The following KCNMB4 variants were observed in gnomAD, a reference collection of about 807,000 sequenced individuals.
KCNMB4 encodes calcium-activated potassium channel subunit beta-4.
Under a neutral mutation model 20.7 loss-of-function variants are expected in KCNMB4, and 3 were observed. The ratio of observed to expected loss-of-function variants is 0.14; its 90% CI spans 0.07 to 0.37. KCNMB4 has a LOEUF of 0.37. KCNMB4 is among the 10% of genes least tolerant of loss of function. The pLI is 1.00. For missense variants in KCNMB4, 168 were observed against 265.9 expected, an observed-to-expected ratio of 0.63 and a Z score of 2.56; for synonymous variants, 110 against 113.4, an observed-to-expected ratio of 0.97 and a Z score of 0.19.
intron 1 of KCNMB4, among the ~76,000 whole-genome samples, chr12:70,391,928 TGGG>T (rs1868302988): frequency 6.6e-6 from 1 of 152,204 alleles, no homozygotes; most frequent in Non-Finnish European, 1.5e-5. Flanking sequence ...GTATGTGAAA[TGGG>T]ATGTATATTA....
At chr12:70,420,887 T>A (rs540089579) in intron 2 of KCNMB4, among the ~76,000 whole-genome samples, 1 of 151,822 alleles carries the variant, frequency 6.6e-6, no homozygotes, top group Non-Finnish European at 1.5e-5. Flanking sequence ...TGAAACCCCG[T>A]CTCTACTAAA....
At chr12:70,380,295 A>G (rs796906241) in intron 1 of KCNMB4, among the ~76,000 whole-genome samples, 24 of 152,310 alleles carry the variant, frequency 1.6e-4, no homozygotes, top group African/African-American at 5.5e-4. Context: ...TTGTCCTCAT[A>G]TGGGCATGGT....
intron 1 of KCNMB4, among the ~76,000 whole-genome samples, chr12:70,389,987 C>G (rs1448805007): frequency 1.3e-5 from 2 of 152,140 alleles, no homozygotes; most frequent in Admixed American, 6.6e-5. Flanking sequence ...TTACTTGAAA[C>G]AAGTTTACTA....
chr12:70,386,594 GTTGT>G (rs1868259586), intron 1 of KCNMB4, among the ~76,000 whole-genome samples: 1 of 145,504 alleles, frequency 6.9e-6, no homozygotes, highest in South Asian at 2.1e-4. Flanking sequence ...TTGTTTGTTT[GTTGT>G]TTTTTTTTTT....
Position 70,433,177 on chromosome 12 carries a change from A to G in KCNMB4, c.*2524A>G, listed in dbSNP as rs924355985. The G allele has an allele frequency of 8.5e-5, 13 of 152,174 alleles. No homozygotes were observed. Among genetic ancestry groups the G allele is most frequent in the Admixed American group, 8.5e-4 (13 of 15,276 alleles). 9.4% of individuals were successfully genotyped at this position (152,174 alleles called of 1,614,324 possible). On this transcript the variant is annotated 3_prime_UTR_variant, in exon 3 of 3. Coordinates refer to ENST00000258111, the MANE Select transcript of KCNMB4 (RefSeq NM_014505.6). ...CAAGCAGAGGACATTTTAAGGTCAT[A>G]AAAGGTAAATAAGCTTACCTTCTTA...
intron 1 of KCNMB4, among the ~76,000 whole-genome samples, chr12:70,374,654 T>C (rs1883655302): frequency 6.6e-6 from 1 of 152,208 alleles, no homozygotes; most frequent in Non-Finnish European, 1.5e-5. Flanking sequence ...CTAGGATACA[T>C]TTATTTTAAG....
intron 1 of KCNMB4, among the ~76,000 whole-genome samples, chr12:70,397,795 T>TAACCAAA (rs1357091436): frequency 2.6e-5 from 4 of 152,210 alleles, no homozygotes; most frequent in Non-Finnish European, 4.4e-5. Context: ...TGATTACATG[T>TAACCAAA]GGTTATGAAT....
Position 70,430,671 on chromosome 12 carries a change from A to T in KCNMB4, c.*18A>T, listed in dbSNP as rs748158214. ...TCTCTTAAAGGGGAAGGAGGCTTGTAGAAAGCAAAGTACAGAAGCTGTACT... is the reference window on the plus strand; with the variant it reads ...TCTCTTAAAGGGGAAGGAGGCTTGTTGAAAGCAAAGTACAGAAGCTGTACT... On this transcript the variant is annotated 3_prime_UTR_variant, in exon 3 of 3. Coordinates refer to ENST00000258111, the MANE Select transcript of KCNMB4 (RefSeq NM_014505.6). The T allele has an allele frequency of 6.3e-7, 1 of 1,595,790 alleles. No individual in the cohort carries two copies. Among genetic ancestry groups the T allele is most frequent in the African/African-American group, 1.4e-5 (1 of 73,742 alleles).
rs1869368046 is a variant in KCNMB4 at position 70,431,653 on chromosome 12, A to T, written c.*1000A>T. 1 of 152,098 alleles carries T rather than the reference A, an allele frequency of 6.6e-6. No homozygotes were observed. Among genetic ancestry groups the T allele is most frequent in the African/African-American group, 2.4e-5 (1 of 41,418 alleles). 9.4% of individuals were successfully genotyped at this position (152,098 alleles called of 1,614,324 possible). On this transcript the variant is annotated 3_prime_UTR_variant, in exon 3 of 3. Transcript: ENST00000258111. ...TTGCTTAGACAAACCTGGAGATGCAACCCAGCTCACATCATTGCTACTGAT... is the reference window on the plus strand; with the variant it reads ...TTGCTTAGACAAACCTGGAGATGCATCCCAGCTCACATCATTGCTACTGAT...
chr12:70,415,215 C>T (rs1868884539), intron 2 of KCNMB4, among the ~76,000 whole-genome samples: 1 of 152,142 alleles, frequency 6.6e-6, no homozygotes. Context: ...AGCAATATGA[C>T]CAAATCACAT....
At chr12:70,368,814 C>T (rs1883540258) in intron 1 of KCNMB4, among the ~76,000 whole-genome samples, 1 of 152,022 alleles carries the variant, frequency 6.6e-6, no homozygotes, top group South Asian at 2.1e-4. Flanking sequence ...AAGACAAGGA[C>T]AAATTATAAT....
At chr12:70,414,955 A>C (rs1246698298) in intron 2 of KCNMB4, among the ~76,000 whole-genome samples, 1 of 152,222 alleles carries the variant, frequency 6.6e-6, no homozygotes, top group Non-Finnish European at 1.5e-5. Context: ...GTAAGTCAAA[A>C]TGGCTTTGAT....
intron 2 of KCNMB4, among the ~76,000 whole-genome samples, chr12:70,420,186 A>G (rs1869014009): frequency 6.6e-6 from 1 of 152,184 alleles, no homozygotes; most frequent in African/African-American, 2.4e-5. Context: ...TAAGGAACTG[A>G]TTACAGTATA....
intron 2 of KCNMB4, among the ~76,000 whole-genome samples, chr12:70,402,653 T>TTA (rs1868485442): frequency 6.0e-5 from 1 of 16,630 alleles, no homozygotes; most frequent in African/African-American, 4.3e-4. Flanking sequence ...AGACCCTGCC[T>TTA]CAAAAAAAAA....
intron 1 of KCNMB4, among the ~76,000 whole-genome samples, chr12:70,369,434 A>G (rs1465814451): frequency 1.3e-5 from 2 of 152,182 alleles, no homozygotes; most frequent in African/African-American, 2.4e-5. Context: ...TTGGCTGCCT[A>G]GATCTTTTCT....
chr12:70,387,390 AT>A (rs199719636), intron 1 of KCNMB4, among the ~76,000 whole-genome samples: 47 of 131,982 alleles, frequency 3.6e-4, no homozygotes, highest in East Asian at 1.1e-3. Flanking sequence ...TCTTTTTTAA[AT>A]TTTTTAATTT....
chr12:70,432,403 G>A lies in KCNMB4; in HGVS notation c.*1750G>A, dbSNP rs1051531895. 6 of 152,092 alleles carry A rather than the reference G, an allele frequency of 3.9e-5. No homozygotes were observed. The highest frequency in any genetic ancestry group is 3.9e-4 in the Admixed American group (6 of 15,258). The allele number at this position is 152,092 out of a possible 1,614,324, so 9.4% of individuals were successfully genotyped here. ...ATAATCTTCTTCTGTTTATTTTTGT[G>A]TTTTGTTTTTTAACAGATGGGTATC... On this transcript the variant is annotated 3_prime_UTR_variant, in exon 3 of 3. Coordinates refer to ENST00000258111, the MANE Select transcript of KCNMB4 (RefSeq NM_014505.6).
intron 1 of KCNMB4, among the ~76,000 whole-genome samples, chr12:70,384,546 G>A (rs1200097652): frequency 7.2e-5 from 11 of 152,166 alleles, no homozygotes; most frequent in Admixed American, 7.2e-4. Context: ...ACAGAGTCTA[G>A]GACAGAGCTG....
chr12:70,402,311 C>T (rs1263863058), intron 2 of KCNMB4, among the ~76,000 whole-genome samples: 2 of 151,920 alleles, frequency 1.3e-5, no homozygotes, highest in Non-Finnish European at 2.9e-5. Flanking sequence ...TGACTCAAAG[C>T]ATCATAAAGA....
Sources: gnomAD v4.1 joint callset for allele counts (sites outside exome capture counted in the v4.1 genomes callset) on GRCh38, gnomAD v4.1.1 for gene constraint, MANE v1.5 for transcripts, NCBI Gene and HGNC (gene_info 2026-07-23, HGNC 2026-07-21) for gene names.